Variants in HMCN1 observed in about 807,000 individuals in gnomAD.
The protein encoded by HMCN1 is hemicentin 1, also known as hemicentin-1.
A neutral mutation model predicts 625.9 loss-of-function variants in HMCN1; 321 were observed. The observed-to-expected ratio is 0.51, with a 90% confidence interval of 0.47 to 0.56. The LOEUF (loss-of-function observed/expected upper bound fraction) is 0.56, where lower values mean the gene tolerates loss of function less well. HMCN1 is among the 20% of genes least tolerant of loss of function. The pLI, the probability that HMCN1 is intolerant of heterozygous loss-of-function variation, is 0.00. For synonymous variants in HMCN1, 2,425 were observed against 2,417.6 expected, an observed-to-expected ratio of 1.00 and a Z score of -0.09; for missense variants, 6,588 against 6,887.3, an observed-to-expected ratio of 0.96 and a Z score of 1.54.
At chr1:186,039,036 G>A in intron 38 of HMCN1, 31 bp downstream of exon 38, 1 of 1,438,850 alleles carries the variant, frequency 6.9e-7, no homozygotes, top group Non-Finnish European at 9.8e-7. Context: ...ATTCATTCTG[G>A]GGTAAAGAAG....
Position 186,057,737 on chromosome 1 carries a change from A to G in HMCN1, c.7312+336A>G, listed in dbSNP as rs550591608. ...TGCTGAAATTGAATTCAAATTCTAC[A>G]GTGAATCCTAGTATATAAAATACTT... On this transcript the variant is annotated intron_variant, in intron 46 of 106. Coordinates refer to ENST00000271588, the MANE Select transcript of HMCN1 (RefSeq NM_031935.3). Among the ~76,000 whole-genome samples the G allele has an allele frequency of 9.2e-5, 14 of 152,142 alleles. No homozygotes were observed. The South Asian group carries it at 2.5e-3, about 27-fold the overall frequency.
Position 186,182,286 on chromosome 1 carries a change from A to G in HMCN1, c.16413A>G (p.Gln5471=). ...YQLTHNGKTC[Q]DIDECLEQNV... ...TCACACACAATGGAAAGACATGCCA[A>G]GGTGAGAAAACATTGGGATGTTTAT... Residue 5471 remains glutamine (Q), a splice_region_variant and synonymous_variant, in exon 105 of 107, where the codon CAA becomes CAG. Coordinates refer to ENST00000271588, the MANE Select transcript of HMCN1 (RefSeq NM_031935.3). 13 of 1,613,334 alleles carry G rather than the reference A, an allele frequency of 8.1e-6. No homozygotes were observed. The highest frequency in any genetic ancestry group is 1.1e-5 in the Non-Finnish European group (13 of 1,179,388).
At chr1:185,799,181 G>A (rs1658613829) in intron 1 of HMCN1, among the ~76,000 whole-genome samples, 1 of 152,176 alleles carries the variant, frequency 6.6e-6, no homozygotes, top group Non-Finnish European at 1.5e-5. Context: ...TTCAAATGCT[G>A]GTTGTAGTTG....
At chr1:185,742,499 A>G (rs1021186227) in intron 1 of HMCN1, among the ~76,000 whole-genome samples, 2 of 152,140 alleles carry the variant, frequency 1.3e-5, no homozygotes, top group Non-Finnish European at 2.9e-5. Context: ...AATGAATAGA[A>G]AGATTTTTAC....
intron 54 of HMCN1, among the ~76,000 whole-genome samples, chr1:186,076,883 T>C (rs964407832): frequency 6.6e-6 from 1 of 152,186 alleles, no homozygotes; most frequent in African/African-American, 2.4e-5. Context: ...GGCTTCCTTG[T>C]GCCTCCATTT....
At chr1:186,055,346 G>A in intron 44 of HMCN1, 47 bp from the exon 45 acceptor site, 1 of 1,576,292 alleles carries the variant, frequency 6.3e-7, no homozygotes, top group South Asian at 1.1e-5. Context: ...AAGACTTGAA[G>A]CAAACATTTC....
Position 186,119,189 on chromosome 1 carries a change from A to C in HMCN1, c.11849-2A>C. 2 of 1,608,730 alleles carry C rather than the reference A, an allele frequency of 1.2e-6. No individual in the cohort carries two copies. The highest frequency in any genetic ancestry group is 1.7e-6 in the Non-Finnish European group (2 of 1,175,264). ...TATTAAAACATTTTTTTTCATTTTT[A>C]GGAGCAATTGAAATACTTGCCACCC... On this transcript the variant is annotated splice_acceptor_variant, in intron 77 of 106. Transcript: ENST00000271588. LOFTEE classifies it high-confidence loss of function.
intron 1 of HMCN1, among the ~76,000 whole-genome samples, chr1:185,815,514 A>G (rs1659790407): frequency 6.7e-6 from 1 of 150,110 alleles, no homozygotes; most frequent in Non-Finnish European, 1.5e-5. Flanking sequence ...TGTTGAATGA[A>G]AGGATGCATT....
At chr1:185,744,003 T>G in intron 1 of HMCN1, among the ~76,000 whole-genome samples, 1 of 144,380 alleles carries the variant, frequency 6.9e-6, no homozygotes, top group Admixed American at 6.8e-5. Flanking sequence ...TTTTTTTTTT[T>G]TTTGAGACGG....
At chr1:185,928,767 AT>A (rs1423781548) in intron 10 of HMCN1, 100 bp downstream of exon 10, 8 of 1,251,526 alleles carry the variant, frequency 6.4e-6, no homozygotes, top group Non-Finnish European at 9.3e-6. Context: ...TGTCTTTGCG[AT>A]TATTTTATTA....
At chr1:186,151,140 C>A in intron 93 of HMCN1, 60 bp from the exon 94 acceptor site, 2 of 1,556,522 alleles carry the variant, frequency 1.3e-6, no homozygotes, top group Non-Finnish European at 1.8e-6. Context: ...CCTCTTTTCT[C>A]CCATGTAATG....
chr1:186,153,631 A>C (rs141151582), intron 96 of HMCN1, 119 bp from the exon 97 acceptor site: 2 of 810,858 alleles, frequency 2.5e-6, no homozygotes, highest in East Asian at 4.9e-5. Context: ...ATCATGCATG[A>C]TGTGTGTTTT....
intron 36 of HMCN1, among the ~76,000 whole-genome samples, chr1:186,030,210 C>T (rs1268374203): frequency 4.6e-5 from 7 of 152,032 alleles, no homozygotes; most frequent in Admixed American, 1.3e-4. Flanking sequence ...GTGCCACTTG[C>T]GTTATAGGTT....
At chr1:186,155,568 G>A (rs1049982246) in intron 97 of HMCN1, among the ~76,000 whole-genome samples, 2 of 151,748 alleles carry the variant, frequency 1.3e-5, no homozygotes, top group Admixed American at 6.6e-5. Context: ...GAAAAGTCAT[G>A]TTCACTTTCT....
At chr1:185,931,414 T>C (rs1667542719) in intron 10 of HMCN1, among the ~76,000 whole-genome samples, 1 of 152,200 alleles carries the variant, frequency 6.6e-6, no homozygotes, top group Non-Finnish European at 1.5e-5. Flanking sequence ...ACCAAATTTA[T>C]TCACATATGC....
At chr1:185,788,046 C>G (rs1657745316) in intron 1 of HMCN1, among the ~76,000 whole-genome samples, 1 of 152,218 alleles carries the variant, frequency 6.6e-6, no homozygotes, top group Non-Finnish European at 1.5e-5. Context: ...ATCACTTTAG[C>G]TTGCTGTCTC....
chr1:186,119,043 T>C (rs1464560592), intron 77 of HMCN1, 148 bp from the exon 78 acceptor site: 1 of 659,690 alleles, frequency 1.5e-6, no homozygotes, highest in Admixed American at 2.3e-5. Flanking sequence ...ATTTAAGTAC[T>C]GTGCTAGGCA....
intron 1 of HMCN1, among the ~76,000 whole-genome samples, chr1:185,791,714 C>T (rs1557972088): frequency 6.6e-6 from 1 of 150,960 alleles, no homozygotes; most frequent in Non-Finnish European, 1.5e-5. Context: ...AGAGCAACTC[C>T]ATCTCAAAAA....
chr1:186,055,784 T>C, intron 45 of HMCN1, 110 bp downstream of exon 45: 1 of 1,074,912 alleles, frequency 9.3e-7, no homozygotes, highest in Middle Eastern at 2.5e-4. Context: ...TAACCCATCA[T>C]TTTAAACATA....
Sources: allele counts gnomAD v4.1 joint callset (sites outside exome capture counted in the v4.1 genomes callset), GRCh38; gene constraint gnomAD v4.1.1; transcripts MANE v1.5; gene names NCBI Gene and HGNC (gene_info 2026-07-23, HGNC 2026-07-21).